The following SNX14 variants were observed in gnomAD, a reference collection of about 807,000 sequenced individuals.
The protein encoded by SNX14 is sorting nexin 14.
SNX14 carries 93 observed loss-of-function variants against 133.8 expected under a neutral mutation model. The observed-to-expected ratio is 0.70, with a 90% CI of 0.59 to 0.83. SNX14 has a LOEUF of 0.83. Among genes scored for constraint, SNX14 ranks in the 40% least tolerant of loss-of-function variants. SNX14 has a pLI of 0.00. For missense variants in SNX14, 945 were observed against 1,094.9 expected, an observed-to-expected ratio of 0.86 and a Z score of 1.93; for synonymous variants, 368 against 365.6, an observed-to-expected ratio of 1.01 and a Z score of -0.07.
In SNX14 at chr6:85,590,078, A is replaced by T. The variant is rs187856321; in HGVS notation, c.140+3501T>A. ...AGTATCAAAAGAATTTTTAAAGGCA[A>T]TCCCTGCTGGCAAGGTACTTTCTGA... On this transcript the variant is annotated intron_variant, in intron 1 of 28. Transcript: ENST00000314673. Among the ~76,000 whole-genome samples the T allele has an allele frequency of 3.3e-4, 51 of 152,338 alleles. 1 individual carries two copies. Among genetic ancestry groups the T allele is most frequent in the Admixed American group, 3.1e-3 (47 of 15,304 alleles).
In SNX14 at chr6:85,538,896, G is replaced by T. The variant is rs199694103; in HGVS notation, c.1449-32C>A. The stretch of plus-strand genomic sequence containing the variant: ...TAACAGGTATGTGAAATAATATAAG[G>T]AGAGGAAAGAAAGAAAGCCCAGATA... On this transcript the variant is annotated intron_variant, in intron 15 of 28. Coordinates refer to ENST00000314673, the MANE Select transcript of SNX14 (RefSeq NM_153816.6). The T allele has an allele frequency of 1.5e-4, 226 of 1,554,284 alleles. 6 individuals carry two copies. In the East Asian group the frequency reaches 3.0e-3, roughly 20 times the overall value.
chr6:85,571,122 G>A (rs568350620), intron 4 of SNX14, among the ~76,000 whole-genome samples: 3 of 152,156 alleles, frequency 2.0e-5, no homozygotes, highest in South Asian at 4.2e-4. Context: ...GGAGGCCGAC[G>A]TGGGTGGATC....
intron 21 of SNX14, among the ~76,000 whole-genome samples, chr6:85,519,609 G>A (rs896401109): frequency 2.0e-5 from 3 of 152,124 alleles, no homozygotes; most frequent in Admixed American, 6.5e-5. Context: ...GGTGGCTCAC[G>A]CCTGTAATCC....
chr6:85,567,781 G>A lies in SNX14; in HGVS notation c.418-204C>T, dbSNP rs1794343824. On this transcript the variant is annotated intron_variant, in intron 4 of 28. Coordinates refer to ENST00000314673, the MANE Select transcript of SNX14 (RefSeq NM_153816.6). ...GTGGATGGCTTTAGCTCACGAGTTT[G>A]AGACCAGCCTGGGTAACATGATGAA... is the stretch of plus-strand genomic sequence containing the variant. The A allele has an allele frequency of 1.7e-5, 6 of 345,410 alleles. No individual in the cohort carries two copies. In the South Asian group the frequency reaches 2.0e-4, roughly 12 times the overall value. The allele number at this position is 345,410 out of a possible 1,614,324, so 21.4% of individuals were successfully genotyped here. A position where few individuals can be genotyped will look rare whatever the true frequency, so the allele number is the denominator to read the frequency against.
chr6:85,516,429 T>C (rs1386707165), intron 23 of SNX14, among the ~76,000 whole-genome samples: 2 of 151,976 alleles, frequency 1.3e-5, no homozygotes, highest in Non-Finnish European at 2.9e-5. Flanking sequence ...GTTAAAGAAA[T>C]TAAATTGGTT....
At chr6:85,581,609 G>A (rs1031773110) in intron 1 of SNX14, 1 of 152,086 alleles carries the variant, frequency 6.6e-6, no homozygotes, top group Admixed American at 6.6e-5. Flanking sequence ...ATAACACAGA[G>A]AAGGAATAAA....
chr6:85,547,035 T>G, intron 12 of SNX14, 77 bp downstream of exon 12: 1 of 832,028 alleles, frequency 1.2e-6, no homozygotes, highest in Non-Finnish European at 1.8e-6. Context: ...TACCACAACA[T>G]CAGATCTGAT....
At chr6:85,559,272 T>C (rs945532210) in intron 6 of SNX14, among the ~76,000 whole-genome samples, 6 of 152,210 alleles carry the variant, frequency 3.9e-5, no homozygotes, top group African/African-American at 1.4e-4. Flanking sequence ...TCACTCTTCA[T>C]TTGCCCTTGG....
chr6:85,526,677 T>C, intron 20 of SNX14, among the ~76,000 whole-genome samples: 1 of 152,248 alleles, frequency 6.6e-6, no homozygotes, highest in East Asian at 1.9e-4. Context: ...GATAAATTTT[T>C]AAAAGTCGGC....
rs543435157 is a variant in SNX14, at chr6:85,520,120, G to A, written c.2108-2072C>T. Among the ~76,000 whole-genome samples, 52 of 151,796 alleles carry A rather than the reference G, an allele frequency of 3.4e-4. 2 individuals are homozygous for A. The South Asian group carries it at 0.01, about 30-fold the overall frequency. On this transcript the variant is annotated intron_variant, in intron 21 of 28. Coordinates refer to ENST00000314673, the MANE Select transcript of SNX14 (RefSeq NM_153816.6). The stretch of plus-strand genomic sequence containing the variant: ...GCTGGAGTGCAGTGGCATGATCTCG[G>A]CTCCCTCCACTTGCCAGTTTCAAGC...
intron 6 of SNX14, among the ~76,000 whole-genome samples, chr6:85,561,804 T>A (rs903095428): frequency 6.6e-6 from 1 of 151,970 alleles, no homozygotes; most frequent in Admixed American, 6.6e-5. Context: ...TCCAGCCTGT[T>A]CATTTGCCTG....
intron 7 of SNX14, among the ~76,000 whole-genome samples, chr6:85,556,559 C>A (rs1382267276): frequency 2.0e-5 from 3 of 151,656 alleles, no homozygotes; most frequent in Non-Finnish European, 4.4e-5. Context: ...CAACCTCCGC[C>A]TCCTGGGTTC....
chr6:85,515,905 T>G (rs1222218484), intron 23 of SNX14, among the ~76,000 whole-genome samples: 1 of 152,148 alleles, frequency 6.6e-6, no homozygotes, highest in Non-Finnish European at 1.5e-5. Context: ...AAAGTTGAAA[T>G]AATAAAGAGA....
intron 9 of SNX14, 119 bp downstream of exon 9, chr6:85,548,182 G>C: frequency 1.4e-6 from 1 of 701,400 alleles, no homozygotes; most frequent in East Asian, 3.0e-5. Context: ...AATGGGGATG[G>C]TTGCACAACA....
intron 19 of SNX14, among the ~76,000 whole-genome samples, chr6:85,529,132 T>C (rs928662698): frequency 6.6e-6 from 1 of 151,696 alleles, no homozygotes; most frequent in Admixed American, 6.6e-5. Context: ...TGGTGGCACA[T>C]GCCTATAATC....
intron 13 of SNX14, 142 bp downstream of exon 13, chr6:85,543,463 T>A (rs1784449339): frequency 1.9e-6 from 2 of 1,071,022 alleles, no homozygotes; most frequent in African/African-American, 1.6e-5. Flanking sequence ...AAATAAGTTT[T>A]TTCTTTAAAG....
chr6:85,554,714 T>C (rs975373424), intron 7 of SNX14, among the ~76,000 whole-genome samples: 16 of 152,176 alleles, frequency 1.1e-4, no homozygotes, highest in African/African-American at 3.9e-4. Context: ...GACTTTATAA[T>C]TGAGGATGAT....
intron 1 of SNX14, among the ~76,000 whole-genome samples, chr6:85,588,364 G>A (rs2128240542): frequency 6.6e-6 from 1 of 152,156 alleles, no homozygotes; most frequent in East Asian, 1.9e-4. Flanking sequence ...ACAAGGTCAG[G>A]AGACCGAGAC....
chr6:85,565,632 A>G (rs1458520977), intron 5 of SNX14, among the ~76,000 whole-genome samples: 1 of 152,262 alleles, frequency 6.6e-6, no homozygotes, highest in Non-Finnish European at 1.5e-5. Context: ...ATCACTATTA[A>G]CTAAATTGTA....
Sources: gnomAD v4.1 joint callset for allele counts (sites outside exome capture counted in the v4.1 genomes callset) on GRCh38, gnomAD v4.1.1 for gene constraint, MANE v1.5 for transcripts, NCBI Gene and HGNC (gene_info 2026-07-23, HGNC 2026-07-21) for gene names.